The following GFPT1 variants were observed in gnomAD, a reference collection of about 807,000 sequenced individuals.
GFPT1 encodes the protein glutamine--fructose-6-phosphate aminotransferase [isomerizing] 1.
GFPT1 carries 40 observed loss-of-function variants against 92.0 expected under a neutral mutation model. The ratio of observed to expected loss-of-function variants is 0.43; its 90% CI spans 0.34 to 0.57. The LOEUF is 0.57. Ranked by LOEUF, GFPT1 falls within the 20% of genes least tolerant of loss-of-function variation. GFPT1 has a pLI of 0.02. For missense variants in GFPT1, 448 were observed against 869.1 expected (o/e 0.52, Z 6.09); for synonymous variants, 269 against 280.6 (o/e 0.96, Z 0.41).
rs1671752541 is a variant in GFPT1 at position 69,371,669 on chromosome 2, C to T, written c.116-1561G>A. Reference sequence around the variant, plus strand: ...TGGCTAACATGGTGAAACCCCGTCTCTACTAAAAATACAAAAAATTAGCCG... The same window carrying T: ...TGGCTAACATGGTGAAACCCCGTCTTTACTAAAAATACAAAAAATTAGCCG... On this transcript the variant is annotated intron_variant, in intron 2 of 19. Coordinates refer to ENST00000357308, the MANE Select transcript of GFPT1 (RefSeq NM_001244710.2). 2.0e-5 allele frequency among the ~76,000 whole-genome samples: 3 copies of T among 148,778 alleles called. 1 individual carries two copies. In the South Asian group the frequency reaches 6.4e-4, roughly 32 times the overall value.
intron 1 of GFPT1, among the ~76,000 whole-genome samples, chr2:69,385,289 G>C (rs1430673416): frequency 1.3e-5 from 2 of 151,994 alleles, no homozygotes; most frequent in East Asian, 3.9e-4. Context: ...ACAATGGCGC[G>C]ATCCCGGCTC....
chr2:69,365,920 C>T (rs1671599834), intron 3 of GFPT1, among the ~76,000 whole-genome samples: 1 of 152,106 alleles, frequency 6.6e-6, no homozygotes, highest in African/African-American at 2.4e-5. Context: ...TCAAGCGATT[C>T]TCCTATCTCA....
At chr2:69,386,884 C>A (rs888383038) in intron 1 of GFPT1, among the ~76,000 whole-genome samples, 181 bp downstream of exon 1, 4 of 152,202 alleles carry the variant, frequency 2.6e-5, no homozygotes, top group Admixed American at 6.5e-5. Context: ...GCCGCCACCC[C>A]CTCTCCCGCC....
intron 1 of GFPT1, among the ~76,000 whole-genome samples, chr2:69,377,794 T>C (rs972721684): frequency 3.9e-5 from 6 of 152,234 alleles, no homozygotes; most frequent in African/African-American, 1.4e-4. Context: ...TGTCCCTTGA[T>C]AGCACTACTA....
chr2:69,373,783 C>A (rs1280660246), intron 2 of GFPT1, among the ~76,000 whole-genome samples: 1 of 152,056 alleles, frequency 6.6e-6, no homozygotes, highest in Non-Finnish European at 1.5e-5. Context: ...GATGTTTTTA[C>A]AATAATATTC....
Position 69,359,315 on chromosome 2 carries a change from T to C in GFPT1, c.361A>G (p.Ile121Val). ...RSDKNNEFIV[I>V]HNGIITNYKD... Reference sequence around the variant, plus strand: ...TAGTTGGTGATGATTCCATTGTGAATAACGATAAATTCTAAAAGAGGTAAA... The same window carrying C: ...TAGTTGGTGATGATTCCATTGTGAACAACGATAAATTCTAAAAGAGGTAAA... Residue 121 changes from isoleucine (I) to valine (V), a missense_variant, in exon 5 of 20, where the codon ATT (isoleucine) becomes GTT (valine). This residue lies in a region of GFPT1 where 118 missense variants were observed against 192.9 expected (regional missense o/e 0.61). Transcript: ENST00000357308. 1 of 1,570,766 alleles carries C rather than the reference T, an allele frequency of 6.4e-7. No homozygotes were observed. The highest frequency in any genetic ancestry group is 8.8e-7 in the Non-Finnish European group (1 of 1,141,970).
rs904475178 is a variant in GFPT1, at chr2:69,325,157, G to C, written c.*1032C>G. ...CGACCTGCAAATCTTCCAAACAATT[G>C]CAAGTAACTTCCAAACTGGCACTAA... On this transcript the variant is annotated 3_prime_UTR_variant, in exon 20 of 20. Coordinates refer to ENST00000357308, the MANE Select transcript of GFPT1 (RefSeq NM_001244710.2). The C allele has an allele frequency of 6.6e-6, 1 of 152,074 alleles. No homozygotes were observed. The highest frequency in any genetic ancestry group is 6.6e-5 in the Admixed American group (1 of 15,266). 9.4% of individuals were successfully genotyped at this position (152,074 alleles called of 1,614,324 possible).
At chr2:69,346,693 CAT>C (rs142988681) in intron 11 of GFPT1, among the ~76,000 whole-genome samples, 6 of 151,126 alleles carry the variant, frequency 4.0e-5, no homozygotes, top group African/African-American at 7.3e-5. Flanking sequence ...AAAAATCTGA[CAT>C]ATATATATAT....
Position 69,346,898 on chromosome 2 carries a change from A to AGTTTT in GFPT1, c.1010-904_1010-900dup, listed in dbSNP as rs144737381. The stretch of plus-strand genomic sequence containing the variant: ...GCACACACTACCATGCCCGGCTCAT[A>AGTTTT]GTTTTGTTTTGTTTTGTTTTGTTTT... On this transcript the variant is annotated intron_variant, in intron 11 of 19. Transcript: ENST00000357308. Among the ~76,000 whole-genome samples the AGTTTT allele has an allele frequency of 3.8e-3, 568 of 150,974 alleles. 3 individuals are homozygous for AGTTTT. Among genetic ancestry groups the AGTTTT allele is most frequent in the Middle Eastern group, 0.01 (3 of 294 alleles).
chr2:69,386,996 G>T, intron 1 of GFPT1, 69 bp downstream of exon 1: 1 of 1,237,672 alleles, frequency 8.1e-7, no homozygotes, highest in Non-Finnish European at 1.1e-6. Flanking sequence ...GTCGCCTTGG[G>T]CCTTAGCGGC....
intron 14 of GFPT1, 45 bp from the exon 15 acceptor site, chr2:69,338,100 C>T: frequency 1.3e-6 from 2 of 1,573,652 alleles, no homozygotes; most frequent in Non-Finnish European, 1.7e-6. Flanking sequence ...ACAGTTTTAA[C>T]ATATGCTGTT....
chr2:69,329,762 C>T lies in GFPT1; in HGVS notation c.1519G>A (p.Ala507Thr). ...ATCCGATCATCACACATCATAAGGG[C>T]AAACATCACAAGGGATACAAACTGG... ...TSQFVSLVMF[A>T]LMMCDDRISM... Residue 507 changes from alanine (A) to threonine (T), a missense_variant, in exon 16 of 20, where the codon GCC becomes ACC. By Grantham distance (58) the Ala-to-Thr change is moderately conservative. Coordinates refer to ENST00000357308, the MANE Select transcript of GFPT1 (RefSeq NM_001244710.2). The T allele has an allele frequency of 1.2e-6, 2 of 1,611,646 alleles. No individual in the cohort carries two copies. The highest frequency in any genetic ancestry group is 1.1e-5 in the South Asian group (1 of 91,036).
chr2:69,324,432 C>T lies in GFPT1; in HGVS notation c.*1757G>A, dbSNP rs1049161898. On this transcript the variant is annotated 3_prime_UTR_variant, in exon 20 of 20. Transcript: ENST00000357308. ...CGCTAGCTGACTTACACAAAATAAT[C>T]TTAGAAACAATTAAAGTAGATTAAT... The T allele has an allele frequency of 1.3e-5, 2 of 152,050 alleles. No individual in the cohort carries two copies. Among genetic ancestry groups the T allele is most frequent in the African/African-American group, 2.4e-5 (1 of 41,392 alleles). The allele number at this position is 152,050 out of a possible 1,614,324, so 9.4% of individuals were successfully genotyped here.
chr2:69,329,317 T>C lies in GFPT1; in HGVS notation c.1705A>G (p.Thr569Ala). The C allele has an allele frequency of 1.2e-6, 2 of 1,613,770 alleles. No homozygotes were observed. The highest frequency in any genetic ancestry group is 1.7e-6 in the Non-Finnish European group (2 of 1,179,698). ...CTTACCAGTGCCCCTTCAAGACAAG[T>C]AGCATAATGATAGCCTCGTCCCATT... ...LIMGRGYHYA[T>A]CLEGALKIKE... The change falls in exon 17 of 20, where the codon ACT (threonine) becomes GCT (alanine). Residue 569 changes from threonine (T) to alanine (A), a missense_variant. By Grantham distance (58) the Thr-to-Ala change is moderately conservative (BLOSUM62 0). Coordinates refer to ENST00000357308, the MANE Select transcript of GFPT1 (RefSeq NM_001244710.2).
At chr2:69,378,581 G>A (rs142503358) in intron 1 of GFPT1, among the ~76,000 whole-genome samples, 1 of 152,290 alleles carries the variant, frequency 6.6e-6, no homozygotes, top group Non-Finnish European at 1.5e-5. Flanking sequence ...AAGCAATTAT[G>A]AGCACCTTGC....
At chr2:69,369,237 C>G (rs1671686247) in intron 3 of GFPT1, among the ~76,000 whole-genome samples, 1 of 151,824 alleles carries the variant, frequency 6.6e-6, no homozygotes, top group East Asian at 1.9e-4. Context: ...AAACGTATGG[C>G]TTATGTGGGA....
At chr2:69,340,139 ACTT>A (rs1670905660) in intron 13 of GFPT1, among the ~76,000 whole-genome samples, 2 of 124,166 alleles carry the variant, frequency 1.6e-5, no homozygotes, top group African/African-American at 3.5e-5. Context: ...AGTTGGGGCA[ACTT>A]TTTTTTTTTT....
In GFPT1 at chr2:69,321,594, C is replaced by G. The variant is rs748400656; in HGVS notation, c.*4595G>C. The G allele has an allele frequency of 6.6e-6, 1 of 152,266 alleles. No individual in the cohort carries two copies. Among genetic ancestry groups the G allele is most frequent in the Non-Finnish European group, 1.5e-5 (1 of 68,014 alleles). The allele number at this position is 152,266 out of a possible 1,614,324, so 9.4% of individuals were successfully genotyped here. A position where few individuals can be genotyped will look rare whatever the true frequency, so the allele number is the denominator to read the frequency against. ...CTTAACGACATGAGGAAGAAATGAC[C>G]AACTGGCTCAGTAAACTAAACATTC... On this transcript the variant is annotated 3_prime_UTR_variant, in exon 20 of 20. Transcript: ENST00000357308.
At chr2:69,361,804 C>A (rs186398848) in intron 4 of GFPT1, among the ~76,000 whole-genome samples, 21 of 152,138 alleles carry the variant, frequency 1.4e-4, no homozygotes, top group Admixed American at 1.2e-3. Flanking sequence ...CAAAGCAAGA[C>A]CCCTATCTCT....
Sources: gnomAD v4.1 joint callset for allele counts (sites outside exome capture counted in the v4.1 genomes callset) on GRCh38, gnomAD v4.1.1 for gene constraint, gnomAD v4.1.1 regional missense constraint, MANE v1.5 for transcripts, NCBI Gene and HGNC (gene_info 2026-07-23, HGNC 2026-07-21) for gene names.